The following CCDC102B variants were observed in gnomAD, a reference collection of about 807,000 sequenced individuals.
CCDC102B encodes the protein coiled-coil domain-containing protein 102B.
CCDC102B carries 75 observed loss-of-function variants against 57.4 expected under a neutral mutation model. The observed-to-expected ratio is 1.31, with a 90% CI of 1.08 to 1.58. The LOEUF (loss-of-function observed/expected upper bound fraction) is 1.58. Ranked by LOEUF, CCDC102B falls within the 40% of genes most tolerant of loss-of-function variation. The probability of loss-of-function intolerance (pLI) is 0.00; values close to 1 mark genes in which losing one functional copy is unlikely to be tolerated. For synonymous variants in CCDC102B, 206 were observed against 201.9 expected (o/e 1.02, Z -0.17); for missense variants, 636 against 582.6 (o/e 1.09, Z -0.94).
intron 6 of CCDC102B, among the ~76,000 whole-genome samples, chr18:68,952,097 A>C (rs2049714822): frequency 6.6e-6 from 1 of 152,178 alleles, no homozygotes; most frequent in South Asian, 2.1e-4. Context: ...AAGTGAATAA[A>C]TGCAAATGCA....
chr18:68,981,120 TATGCATGTTTTAATTA>T (rs1244740777), intron 6 of CCDC102B, among the ~76,000 whole-genome samples: 1 of 152,092 alleles, frequency 6.6e-6, no homozygotes, highest in Non-Finnish European at 1.5e-5. Context: ...TTTTCTACAA[TATGCATGTTTTAATTA>T]ATACTAAAAA....
chr18:68,750,685 A>G (rs1214643080), intron 2 of CCDC102B, among the ~76,000 whole-genome samples: 2 of 151,906 alleles, frequency 1.3e-5, no homozygotes, highest in Non-Finnish European at 2.9e-5. Context: ...ATTCTCAGCA[A>G]ACTATCACAA....
chr18:68,777,110 A>G (rs904998100), intron 2 of CCDC102B, among the ~76,000 whole-genome samples: 4 of 152,140 alleles, frequency 2.6e-5, no homozygotes, highest in Admixed American at 2.0e-4. Flanking sequence ...TTTTGCTGAG[A>G]ACTTTTTGAT....
intron 1 of CCDC102B, among the ~76,000 whole-genome samples, chr18:68,815,382 A>G (rs2036433194): frequency 6.6e-6 from 1 of 152,236 alleles, no homozygotes; most frequent in South Asian, 2.1e-4. Flanking sequence ...GGGCAATGGT[A>G]AACTGCATTT....
At chr18:68,939,175 G>A (rs1023560742) in intron 6 of CCDC102B, among the ~76,000 whole-genome samples, 1 of 151,764 alleles carries the variant, frequency 6.6e-6, no homozygotes, top group Admixed American at 6.6e-5. Context: ...ACTAAACAGT[G>A]TAAGTTATCT....
chr18:68,729,179 A>G (rs1218922686), intron 2 of CCDC102B, among the ~76,000 whole-genome samples: 1 of 152,230 alleles, frequency 6.6e-6, no homozygotes, highest in Non-Finnish European at 1.5e-5. Context: ...GAAGAAAATT[A>G]TGACACTTTT....
intron 1 of CCDC102B, among the ~76,000 whole-genome samples, chr18:68,832,208 G>T (rs747404515): frequency 4.6e-5 from 7 of 152,034 alleles, no homozygotes; most frequent in Non-Finnish European, 7.4e-5. Flanking sequence ...CTTTTATCCT[G>T]CCATGGAAGT....
intron 4 of CCDC102B, among the ~76,000 whole-genome samples, chr18:68,868,701 C>T (rs2039110055): frequency 6.6e-6 from 1 of 152,074 alleles, no homozygotes; most frequent in African/African-American, 2.4e-5. Context: ...CAATACTTAT[C>T]CCAAGAACCA....
intron 5 of CCDC102B, among the ~76,000 whole-genome samples, chr18:68,879,949 C>T (rs1311811790): frequency 2.0e-5 from 3 of 152,238 alleles, no homozygotes; most frequent in African/African-American, 7.2e-5. Flanking sequence ...GGATCCCGCA[C>T]CAGGGCTGCA....
intron 6 of CCDC102B, among the ~76,000 whole-genome samples, chr18:68,964,056 G>A (rs190816673): frequency 1.3e-4 from 20 of 151,832 alleles, no homozygotes; most frequent in Admixed American, 7.2e-4. Flanking sequence ...GTCTGTCTTC[G>A]GGTCTGGAAA....
In CCDC102B at chr18:69,019,091, T is replaced by A. The variant is rs528251421; in HGVS notation, c.1434+7987T>A. On this transcript the variant is annotated intron_variant, in intron 7 of 7. Transcript: ENST00000360242. ...GTTCTCTATTCCATTCATATATGTG[T>A]TTGTTTTTATGCTGATGCCATATTG... Among the ~76,000 whole-genome samples, 81 of 152,230 alleles carry A rather than the reference T, an allele frequency of 5.3e-4. No homozygotes were observed. The South Asian group carries it at 0.016, about 30-fold the overall frequency.
intron 6 of CCDC102B, among the ~76,000 whole-genome samples, chr18:69,008,795 G>A (rs967742326): frequency 2.0e-5 from 3 of 152,110 alleles, no homozygotes; most frequent in African/African-American, 4.8e-5. Context: ...ATCAAAAGTC[G>A]CTTTATATCA....
intron 6 of CCDC102B, among the ~76,000 whole-genome samples, chr18:68,907,685 C>A (rs573381528): frequency 1.6e-3 from 246 of 152,206 alleles, no homozygotes; most frequent in Admixed American, 3.9e-3. Flanking sequence ...TAGTAAATTT[C>A]TTTTTCTAGA....
At chr18:69,019,834 A>G (rs2051777890) in intron 7 of CCDC102B, among the ~76,000 whole-genome samples, 1 of 152,094 alleles carries the variant, frequency 6.6e-6, no homozygotes, top group Non-Finnish European at 1.5e-5. Flanking sequence ...AGTTTTCACT[A>G]TTTATCATGA....
At chr18:69,046,239 C>T (rs567575436) in intron 7 of CCDC102B, among the ~76,000 whole-genome samples, 1 of 152,222 alleles carries the variant, frequency 6.6e-6, no homozygotes, top group East Asian at 1.9e-4. Flanking sequence ...TATTCCCTAT[C>T]CTCTGCAACC....
chr18:68,716,875 G>A (rs765276866), intron 2 of CCDC102B, among the ~76,000 whole-genome samples: 69 of 152,008 alleles, frequency 4.5e-4, no homozygotes, highest in Non-Finnish European at 8.4e-4. Context: ...TCAAGAGATC[G>A]AGACCATCCT....
upstream of CCDC102B, among the ~76,000 whole-genome samples, chr18:68,796,258 A>G (rs1239542211): frequency 6.6e-6 from 1 of 152,162 alleles, no homozygotes; most frequent in Non-Finnish European, 1.5e-5. Flanking sequence ...TTATTGAAGT[A>G]TAATCAAAAG....
chr18:69,044,002 A>G lies in CCDC102B; in HGVS notation c.1435-10028A>G, dbSNP rs557573395. On this transcript the variant is annotated intron_variant, in intron 7 of 7. Transcript: ENST00000360242. The stretch of plus-strand genomic sequence containing the variant: ...GGGGTCCAAGAAAGTGATTTTTTAA[A>G]AACATTCCCAGCTATTGCATTTAGT... Among the ~76,000 whole-genome samples the G allele has an allele frequency of 5.3e-5, 8 of 152,282 alleles. No homozygotes were observed. The East Asian group carries it at 1.5e-3, about 29-fold the overall frequency.
At chr18:68,981,060 A>G (rs748798258) in intron 6 of CCDC102B, among the ~76,000 whole-genome samples, 1 of 152,074 alleles carries the variant, frequency 6.6e-6, no homozygotes, top group Non-Finnish European at 1.5e-5. Context: ...AGTAGATATC[A>G]TTGGATGGCT....
Sources: gnomAD v4.1 joint callset for allele counts (sites outside exome capture counted in the v4.1 genomes callset) on GRCh38, gnomAD v4.1.1 for gene constraint, MANE v1.5 for transcripts, NCBI Gene and HGNC (gene_info 2026-07-23, HGNC 2026-07-21) for gene names.